TRIM16: variants seen among roughly 807,000 people sequenced by gnomAD.
TRIM16 encodes the protein tripartite motif-containing protein 16.
A neutral mutation model predicts 50.4 loss-of-function variants in TRIM16; 33 were observed. The ratio of observed to expected loss-of-function variants is 0.65; its 90% confidence interval spans 0.50 to 0.88. The LOEUF (loss-of-function observed/expected upper bound fraction) is 0.88, where lower values mean the gene tolerates loss of function less well. Ranked by LOEUF, TRIM16 falls within the 40% of genes least tolerant of loss-of-function variation. The pLI is 0.00. For synonymous variants in TRIM16, 229 were observed against 270.7 expected (o/e 0.85, Z 1.51); for missense variants, 581 against 686.8 (o/e 0.85, Z 1.72).
intron 4 of TRIM16, among the ~76,000 whole-genome samples, chr17:15,679,131 G>A (rs1437930001): frequency 6.6e-6 from 1 of 151,968 alleles, no homozygotes; most frequent in African/African-American, 2.4e-5. Context: ...CGCCCACCTC[G>A]GCCTCCCAAA....
At chr17:15,657,624 GA>G (rs1425670011) in intron 6 of TRIM16, among the ~76,000 whole-genome samples, 1 of 152,176 alleles carries the variant, frequency 6.6e-6, no homozygotes, top group African/African-American at 2.4e-5. Flanking sequence ...TCATAGGAGT[GA>G]AATCATACAG....
chr17:15,647,057 C>T (rs1426727580), intron 7 of TRIM16, among the ~76,000 whole-genome samples: 1 of 151,750 alleles, frequency 6.6e-6, no homozygotes, highest in Non-Finnish European at 1.5e-5. Context: ...ACCTCCACCT[C>T]CCAGGTTCAA....
At chr17:15,661,577 T>C (rs1988239766) in intron 6 of TRIM16, among the ~76,000 whole-genome samples, 2 of 152,202 alleles carry the variant, frequency 1.3e-5, no homozygotes, top group South Asian at 4.1e-4. Context: ...TTTCCTATCA[T>C]TGCTGCCTCT....
Position 15,646,567 on chromosome 17 carries a change from T to C in TRIM16, c.520-3751A>G, listed in dbSNP as rs1987388091. The stretch of plus-strand genomic sequence containing the variant: ...TGTCAAGTCATTCAAGCCATTTAGC[T>C]TCTCATCTGGTGCAAGACTACCTAA... On this transcript the variant is annotated intron_variant, in intron 7 of 11. Transcript: ENST00000649191. Among the ~76,000 whole-genome samples, 3 of 139,866 alleles carry C rather than the reference T, an allele frequency of 2.1e-5. No homozygotes were observed. The South Asian group carries it at 7.2e-4, about 33-fold the overall frequency. The allele number at this position is 139,866 out of a possible 152,430, so 91.8% of individuals were successfully genotyped here.
chr17:15,644,359 T>C (rs1418897276), intron 7 of TRIM16, among the ~76,000 whole-genome samples: 1 of 152,214 alleles, frequency 6.6e-6, no homozygotes, highest in Non-Finnish European at 1.5e-5. Context: ...CTAATTTTTT[T>C]GTATTTTTAG....
chr17:15,663,887 T>A (rs1220484355), intron 6 of TRIM16, among the ~76,000 whole-genome samples: 7 of 152,214 alleles, frequency 4.6e-5, no homozygotes, highest in African/African-American at 1.4e-4. Context: ...GATGCAGTAT[T>A]GGGTTATGGG....
intron 7 of TRIM16, among the ~76,000 whole-genome samples, chr17:15,650,654 T>C (rs1448457447): frequency 6.6e-6 from 1 of 151,886 alleles, no homozygotes; most frequent in East Asian, 1.9e-4. Context: ...GGAGAAAGAG[T>C]TGTTCTTTTC....
intron 6 of TRIM16, among the ~76,000 whole-genome samples, chr17:15,656,930 A>C (rs571697088): frequency 1.3e-4 from 20 of 151,724 alleles, no homozygotes; most frequent in African/African-American, 4.8e-4. Context: ...GCTAATTTGT[A>C]AGTTTTTAAA....
intron 6 of TRIM16, among the ~76,000 whole-genome samples, chr17:15,656,041 A>G (rs1987965020): frequency 6.6e-6 from 1 of 152,078 alleles, no homozygotes; most frequent in Non-Finnish European, 1.5e-5. Flanking sequence ...AGGTTGGGAT[A>G]TTTGGCAGGG....
rs968883725 is a variant in TRIM16 at position 15,628,333 on chromosome 17, C to T, written c.*282G>A. The stretch of plus-strand genomic sequence containing the variant: ...CTGAGGCAGGAGAATTGCTTGAACT[C>T]GGGAGGCGGAGCTTGCAGTGAGCCA... On this transcript the variant is annotated 3_prime_UTR_variant, in exon 12 of 12. Coordinates refer to ENST00000649191, the MANE Select transcript of TRIM16 (RefSeq NM_001348119.1). The T allele has an allele frequency of 2.1e-5, 6 of 285,806 alleles. No individual in the cohort carries two copies. The highest frequency in any genetic ancestry group is 6.3e-5 in the East Asian group (1 of 15,812). The allele number at this position is 285,806 out of a possible 1,614,324, so 17.7% of individuals were successfully genotyped here. A position where few individuals can be genotyped will look rare whatever the true frequency, so the allele number is the denominator to read the frequency against.
intron 6 of TRIM16, among the ~76,000 whole-genome samples, chr17:15,666,975 G>C (rs148703157): frequency 7.2e-5 from 11 of 151,930 alleles, no homozygotes; most frequent in Non-Finnish European, 1.3e-4. Flanking sequence ...CTCTGCCTTG[G>C]GGGGGCGGTG....
intron 6 of TRIM16, among the ~76,000 whole-genome samples, chr17:15,676,528 G>A (rs1218202392): frequency 6.6e-6 from 1 of 150,954 alleles, no homozygotes; most frequent in East Asian, 2.0e-4. Context: ...CCCACCTCCT[G>A]GGGTTCACGC....
In TRIM16 at chr17:15,680,913, A is replaced by G; in HGVS notation, c.-638T>C. 2 of 1,546,566 alleles carry G rather than the reference A, an allele frequency of 1.3e-6. No individual in the cohort carries two copies. The highest frequency in any genetic ancestry group is 1.7e-6 in the Non-Finnish European group (2 of 1,146,040). ...GAGCAGCCATATTTTCCTTCTTAAG[A>G]TACCCCTTTTGGGAAAGGGCAGGGT... On this transcript the variant is annotated 5_prime_UTR_variant, in exon 4 of 12. Coordinates refer to ENST00000649191, the MANE Select transcript of TRIM16 (RefSeq NM_001348119.1).
rs1474679564 is a variant in TRIM16 at position 15,680,936 on chromosome 17, G to C, written c.-661C>G. On this transcript the variant is annotated 5_prime_UTR_variant, in exon 4 of 12. Coordinates refer to ENST00000649191, the MANE Select transcript of TRIM16 (RefSeq NM_001348119.1). Reference sequence around the variant, plus strand: ...AGATACCCCTTTTGGGAAAGGGCAGGGTCCTCAGAGGGCAGAACTGGAAGG... The same window carrying C: ...AGATACCCCTTTTGGGAAAGGGCAGCGTCCTCAGAGGGCAGAACTGGAAGG... 6.5e-7 allele frequency: 1 copy of C among 1,534,992 alleles called. No homozygotes were observed. Among genetic ancestry groups the C allele is most frequent in the Non-Finnish European group, 8.8e-7 (1 of 1,142,136 alleles).
chr17:15,639,694 T>C (rs1033026433), intron 8 of TRIM16, among the ~76,000 whole-genome samples: 1 of 149,386 alleles, frequency 6.7e-6, no homozygotes, highest in Non-Finnish European at 1.5e-5. Flanking sequence ...GTGGGGACAA[T>C]AGTAGAGAAG....
At chr17:15,630,978 T>C (rs3785642) in intron 11 of TRIM16, among the ~76,000 whole-genome samples, 34,821 of 152,118 alleles carry the variant, frequency 0.23, 4,144 homozygotes, top group East Asian at 0.31. Flanking sequence ...ATACGAGGGA[T>C]TGGTATCCCA....
chr17:15,655,906 A>G (rs955231241), intron 6 of TRIM16, among the ~76,000 whole-genome samples: 19 of 152,322 alleles, frequency 1.2e-4, no homozygotes, highest in African/African-American at 4.3e-4. Flanking sequence ...TTCCTTGTCC[A>G]TGAAATGAGT....
At position 15,651,611 on chromosome 17, in the gene TRIM16, T is replaced by C; in HGVS notation, c.-2A>G. ...AGCCATTAGATCCAACTCAGCCATC[T>C]GGGAGGCTCTGCTCCTAGGCTGTCT... On this transcript the variant is annotated 5_prime_UTR_variant, in exon 7 of 12. Transcript: ENST00000649191. The C allele has an allele frequency of 8.1e-6, 13 of 1,613,060 alleles. No homozygotes were observed. Among genetic ancestry groups the C allele is most frequent in the Non-Finnish European group, 1.1e-5 (13 of 1,179,544 alleles).
intron 6 of TRIM16, among the ~76,000 whole-genome samples, chr17:15,654,949 T>C (rs754296517): frequency 2.0e-5 from 3 of 152,030 alleles, no homozygotes; most frequent in Non-Finnish European, 2.9e-5. Context: ...GAAAGATGAA[T>C]AGCTGTCCCG....
Sources: gnomAD v4.1 joint callset for allele counts (sites outside exome capture counted in the v4.1 genomes callset) on GRCh38, gnomAD v4.1.1 for gene constraint, MANE v1.5 for transcripts, NCBI Gene and HGNC (gene_info 2026-07-23, HGNC 2026-07-21) for gene names.